HMSD: variants seen among roughly 807,000 people sequenced by gnomAD.
The protein encoded by HMSD is serpin-like protein HMSD.
In HMSD, 13 loss-of-function variants were observed where a neutral mutation model predicts 10.0. That is an observed-to-expected ratio of 1.31 (90% confidence interval 0.85 to 2.08). The LOEUF (loss-of-function observed/expected upper bound fraction) is 2.08. Among genes scored for constraint, HMSD ranks in the 30% most tolerant of loss-of-function variants. The pLI is 0.00. For synonymous variants in HMSD, 51 were observed against 54.2 expected (o/e 0.94, Z 0.26); for missense variants, 169 against 166.3 (o/e 1.02, Z -0.09).
intron 3 of HMSD, among the ~76,000 whole-genome samples, chr18:63,955,238 T>C (rs1206503272): frequency 3.9e-5 from 6 of 152,238 alleles, no homozygotes; most frequent in Admixed American, 3.9e-4. Flanking sequence ...TTATACTTTG[T>C]TAGCTTTTCC....
At position 63,954,423 on chromosome 18, in the gene HMSD, A is replaced by G. The variant is rs373693173; in HGVS notation, c.88A>G (p.Lys30Glu). 1.4e-5 allele frequency: 22 copies of G among 1,612,122 alleles called. No homozygotes were observed. The highest frequency in any genetic ancestry group is 1.9e-5 in the Non-Finnish European group (22 of 1,178,842). Reference sequence around the variant, plus strand: ...TTATTTTCAGGCACTTTGTTTTAGTAAAATCGGAGGTGAAGATGGAGATAT... The same window carrying G: ...TTATTTTCAGGCACTTTGTTTTAGTGAAATCGGAGGTGAAGATGGAGATAT... ...AQMSQALCFS[K>E]IGGEDGDIHR... The change falls in exon 3 of 4, where the codon AAA (lysine) becomes GAA (glutamate). Residue 30 changes from lysine (K) to glutamate (E), a missense_variant. Transcript: ENST00000408945.
chr18:63,955,745 A>G (rs1350276413), intron 3 of HMSD, among the ~76,000 whole-genome samples: 1 of 152,172 alleles, frequency 6.6e-6, no homozygotes, highest in Non-Finnish European at 1.5e-5. Flanking sequence ...CTGAGAAACC[A>G]TGTCGAGATC....
At chr18:63,950,231 T>C (rs1166438880) in intron 1 of HMSD, among the ~76,000 whole-genome samples, 2 of 151,368 alleles carry the variant, frequency 1.3e-5, no homozygotes, top group East Asian at 1.9e-4. Flanking sequence ...GCCTGGCCAA[T>C]ATGGTGAAAC....
downstream of HMSD, among the ~76,000 whole-genome samples, chr18:63,963,029 G>A (rs2050392667): frequency 6.6e-6 from 1 of 151,102 alleles, no homozygotes; most frequent in South Asian, 2.1e-4. Context: ...CAATACTAGT[G>A]TTGACTTCAG....
intron 3 of HMSD, among the ~76,000 whole-genome samples, chr18:63,954,820 A>C (rs1477616106): frequency 6.6e-6 from 1 of 152,254 alleles, no homozygotes; most frequent in Non-Finnish European, 1.5e-5. Flanking sequence ...GAATCAGCCA[A>C]AACAAAGATG....
intron 3 of HMSD, among the ~76,000 whole-genome samples, chr18:63,967,291 G>A (rs1227095657): frequency 4.6e-5 from 7 of 152,078 alleles, no homozygotes; most frequent in Non-Finnish European, 1.0e-4. Flanking sequence ...CTGCCACCAC[G>A]CCTGGCTCAT....
downstream of HMSD, among the ~76,000 whole-genome samples, chr18:63,963,063 T>TTTC (rs1196177480): frequency 0.015 from 1,099 of 75,238 alleles, 37 homozygotes; most frequent in African/African-American, 0.093. Context: ...TCTTTCTTTC[T>TTTC]TTTCTTTCTC....
At chr18:63,963,652 A>T (rs2144766355), downstream of HMSD, among the ~76,000 whole-genome samples, 1 of 152,340 alleles carries the variant, frequency 6.6e-6, no homozygotes, top group African/African-American at 2.4e-5. Flanking sequence ...CAGATTCAGT[A>T]GTTATCATCC....
chr18:63,965,448 C>T (rs187644148), downstream of HMSD, among the ~76,000 whole-genome samples: 23 of 152,314 alleles, frequency 1.5e-4, no homozygotes, highest in South Asian at 4.1e-4. Context: ...CTTAATACTT[C>T]CCCTTAACCC....
Position 63,961,350 on chromosome 18 carries a change from T to A in HMSD, c.*995T>A, listed in dbSNP as rs2050385698. ...TAAAACATAGAGATAACAATATGCA[T>A]ATTGTTCCTAGAGGGTCTTGTGAAA... On this transcript the variant is annotated 3_prime_UTR_variant, in exon 4 of 4. Coordinates refer to ENST00000408945, the MANE Select transcript of HMSD (RefSeq NM_001123366.2). 6.6e-6 allele frequency: 1 copy of A among 152,216 alleles called. No homozygotes were observed. Among genetic ancestry groups the A allele is most frequent in the African/African-American group, 2.4e-5 (1 of 41,464 alleles). The allele number at this position is 152,216 out of a possible 1,614,324, so 9.4% of individuals were successfully genotyped here.
At chr18:63,966,204 A>G (rs1599115609), downstream of HMSD, among the ~76,000 whole-genome samples, 1 of 152,160 alleles carries the variant, frequency 6.6e-6, no homozygotes, top group East Asian at 1.9e-4. Flanking sequence ...CACAGCCATT[A>G]TGTTTTGGAT....
chr18:63,962,167 A>G (rs1599113322), downstream of HMSD, among the ~76,000 whole-genome samples: 1 of 152,334 alleles, frequency 6.6e-6, no homozygotes, highest in East Asian at 1.9e-4. Context: ...CCTTAGTGAT[A>G]ATAAACCCAT....
chr18:63,950,738 TG>T (rs1405242630), intron 1 of HMSD, among the ~76,000 whole-genome samples: 1 of 151,936 alleles, frequency 6.6e-6, no homozygotes, highest in East Asian at 1.9e-4. Context: ...ATTTAATAGT[TG>T]TCTTTGCAAA....
intron 1 of HMSD, among the ~76,000 whole-genome samples, chr18:63,953,001 G>C (rs915950786): frequency 6.6e-6 from 1 of 152,116 alleles, no homozygotes; most frequent in African/African-American, 2.4e-5. Context: ...TGCTGCTTTT[G>C]TTATAAGTCC....
chr18:63,963,124 T>TC (rs1491295918), downstream of HMSD, among the ~76,000 whole-genome samples: 2 of 129,042 alleles, frequency 1.5e-5, no homozygotes, highest in African/African-American at 5.6e-5. Flanking sequence ...TTTCTTTCTT[T>TC]CTTTCTTTCC....
chr18:63,954,311 A>T, intron 2 of HMSD, 97 bp from the exon 3 acceptor site: 2 of 833,246 alleles, frequency 2.4e-6, no homozygotes, highest in Non-Finnish European at 3.8e-6. Context: ...TGTAGTAAGC[A>T]TCTGTAAATC....
intron 2 of HMSD, 36 bp from the exon 3 acceptor site, chr18:63,954,372 T>G: frequency 1.3e-6 from 2 of 1,521,606 alleles, no homozygotes; most frequent in Non-Finnish European, 1.8e-6. Context: ...CACAGAATAC[T>G]GAGAATGTGT....
intron 3 of HMSD, among the ~76,000 whole-genome samples, chr18:63,957,614 G>A (rs2050365884): frequency 6.6e-6 from 1 of 152,088 alleles, no homozygotes; most frequent in South Asian, 2.1e-4. Context: ...ATGATATTGT[G>A]ATTTTACAAC....
intron 1 of HMSD, among the ~76,000 whole-genome samples, chr18:63,951,180 A>G (rs1283648670): frequency 6.6e-6 from 1 of 152,200 alleles, no homozygotes; most frequent in Non-Finnish European, 1.5e-5. Flanking sequence ...TTAATTTTGT[A>G]AGTTTGTTCT....
Sources: gnomAD v4.1 joint callset for allele counts (sites outside exome capture counted in the v4.1 genomes callset) on GRCh38, gnomAD v4.1.1 for gene constraint, MANE v1.5 for transcripts, NCBI Gene and HGNC (gene_info 2026-07-23, HGNC 2026-07-21) for gene names.